Variants in ZNF740 observed in about 807,000 individuals in gnomAD.
The protein encoded by ZNF740 is zinc finger protein 740.
ZNF740 carries 14 observed loss-of-function variants against 24.8 expected under a neutral mutation model. The observed-to-expected ratio is 0.56, with a 90% CI of 0.37 to 0.88. The LOEUF (loss-of-function observed/expected upper bound fraction) is 0.88. Ranked by LOEUF, ZNF740 falls within the 40% of genes least tolerant of loss-of-function variation. The pLI is 0.00. For missense variants in ZNF740, 201 were observed against 247.9 expected (o/e 0.81, Z 1.27); for synonymous variants, 69 against 84.0 (o/e 0.82, Z 0.98).
At position 53,192,946 on chromosome 12, in the gene ZNF740, T is replaced by C. The variant is rs564873567; in HGVS notation, c.*5356T>C. ...GCCATGCAGAGGGTGACAACCATAC[T>C]CCACACACACAGTTGGCCATCATGT... On this transcript the variant is annotated 3_prime_UTR_variant, in exon 7 of 7. Transcript: ENST00000416904. The C allele has an allele frequency of 4.3e-5, 68 of 1,593,392 alleles. No homozygotes were observed. In the East Asian group the frequency reaches 1.4e-3, roughly 32 times the overall value.
intron 1 of ZNF740, 82 bp downstream of exon 1, chr12:53,180,919 C>T (rs1364629050): frequency 4.0e-6 from 2 of 502,432 alleles, no homozygotes. Context: ...GGGTGCCGCG[C>T]GGGAAGGGGG....
chr12:53,187,165 T>C lies in ZNF740; in HGVS notation c.493-336T>C, dbSNP rs1444243493. On this transcript the variant is annotated intron_variant, in intron 6 of 6. Coordinates refer to ENST00000416904, the MANE Select transcript of ZNF740 (RefSeq NM_001004304.4). ...TCTGGTTCTCTACTCTGTATCTGCC[T>C]TGAGATAGATACTCAATAAATCTTT... Among the ~76,000 whole-genome samples, 4 of 152,378 alleles carry C rather than the reference T, an allele frequency of 2.6e-5. No homozygotes were observed. In the East Asian group the frequency reaches 7.7e-4, roughly 29 times the overall value.
chr12:53,180,992 G>T, intron 1 of ZNF740, 155 bp downstream of exon 1: 2 of 819,328 alleles, frequency 2.4e-6, no homozygotes, highest in African/African-American at 1.9e-5. Flanking sequence ...GAGGGGAAAG[G>T]CCGTGCGCGC....
At position 53,193,180 on chromosome 12, in the gene ZNF740, G is replaced by A. The variant is rs79496005; in HGVS notation, c.*5590G>A. ...CCTCATGTCGCTCACAGCTGGCATC[G>A]TCACACTCGCACAGATGCCCAGAGC... On this transcript the variant is annotated 3_prime_UTR_variant, in exon 7 of 7. Coordinates refer to ENST00000416904, the MANE Select transcript of ZNF740 (RefSeq NM_001004304.4). 365 of 1,613,726 alleles carry A rather than the reference G, an allele frequency of 2.3e-4. No individual in the cohort carries two copies. The African/African-American group carries it at 3.1e-3, about 14-fold the overall frequency.
At chr12:53,187,335 C>T (rs1199552799) in intron 6 of ZNF740, among the ~76,000 whole-genome samples, 166 bp from the exon 7 acceptor site, 1 of 152,184 alleles carries the variant, frequency 6.6e-6, no homozygotes, top group African/African-American at 2.4e-5. Flanking sequence ...CAGCCCCAGG[C>T]GGTCTGGCCT....
rs1375813301 is a variant in ZNF740, at chr12:53,191,608, A to G, written c.*4018A>G. 1.9e-6 allele frequency: 3 copies of G among 1,613,862 alleles called. No homozygotes were observed. Among genetic ancestry groups the G allele is most frequent in the African/African-American group, 1.3e-5 (1 of 74,994 alleles). On this transcript the variant is annotated 3_prime_UTR_variant, in exon 7 of 7. Coordinates refer to ENST00000416904, the MANE Select transcript of ZNF740 (RefSeq NM_001004304.4). Reference sequence around the variant, plus strand: ...AAAGCGAGGATTGATGGTGGTCGTGATGGCACTTTTGTAGAGAGGATTACT... The same window carrying G: ...AAAGCGAGGATTGATGGTGGTCGTGGTGGCACTTTTGTAGAGAGGATTACT...
At chr12:53,186,728 T>A in intron 6 of ZNF740, 1 of 466,750 alleles carries the variant, frequency 2.1e-6, no homozygotes, top group Non-Finnish European at 3.9e-6. Flanking sequence ...CCATATCACT[T>A]ACTCTATGCC....
intron 2 of ZNF740, 178 bp downstream of exon 2, chr12:53,182,170 G>A: frequency 1.2e-6 from 1 of 838,760 alleles, no homozygotes; most frequent in African/African-American, 1.7e-5. Context: ...CCTTCAGGGA[G>A]CTTCCAGTCA....
At position 53,189,082 on chromosome 12, in the gene ZNF740, T is replaced by G. The variant is rs1006273552; in HGVS notation, c.*1492T>G. 2.0e-5 allele frequency: 3 copies of G among 151,698 alleles called. No individual in the cohort carries two copies. Among genetic ancestry groups the G allele is most frequent in the African/African-American group, 7.3e-5 (3 of 41,312 alleles). The allele number at this position is 151,698 out of a possible 1,614,324, so 9.4% of individuals were successfully genotyped here. On this transcript the variant is annotated 3_prime_UTR_variant, in exon 7 of 7. Coordinates refer to ENST00000416904, the MANE Select transcript of ZNF740 (RefSeq NM_001004304.4). ...TCAGCAGGAGCTGAAGAACACAATT[T>G]GGGGAACAGAAGGGCTTTTGTTTTG...
intron 1 of ZNF740, 94 bp downstream of exon 1, chr12:53,180,931 G>A: frequency 9.5e-7 from 1 of 1,057,278 alleles, no homozygotes; most frequent in Non-Finnish European, 1.2e-6. Context: ...GGAAGGGGGA[G>A]GGGAGGGGAG....
rs1941884298 is a variant in ZNF740, at chr12:53,189,321, G to T, written c.*1731G>T. 6.6e-6 allele frequency: 1 copy of T among 152,070 alleles called. No homozygotes were observed. Among genetic ancestry groups the T allele is most frequent in the Non-Finnish European group, 1.5e-5 (1 of 68,012 alleles). The allele number at this position is 152,070 out of a possible 1,614,324, so 9.4% of individuals were successfully genotyped here. A position where few individuals can be genotyped will look rare whatever the true frequency, so the allele number is the denominator to read the frequency against. On this transcript the variant is annotated 3_prime_UTR_variant, in exon 7 of 7. Coordinates refer to ENST00000416904, the MANE Select transcript of ZNF740 (RefSeq NM_001004304.4). ...TACGGGAACTGTCTTAGTAATCATG[G>T]AGACTGGCTGAACCTGAGTGCCAAG... is the stretch of plus-strand genomic sequence containing the variant.
Position 53,184,974 on chromosome 12 carries a change from T to G in ZNF740, c.93T>G (p.Ile31Met). ...GCAAGAAGATGATGCTGAGCCAGATTGCCAGCAAGCAGGCCGAGAATGGCG... is the reference window on the plus strand; with the variant it reads ...GCAAGAAGATGATGCTGAGCCAGATGGCCAGCAAGCAGGCCGAGAATGGCG... ...AASKKMMLSQ[I>M]ASKQAENGER... The change falls in exon 3 of 7, where the codon ATT becomes ATG. Residue 31 changes from isoleucine to methionine, a missense_variant. Around this residue, in one of 3 missense-constraint regions of ZNF740, gnomAD observed 117 missense variants for 122.3 expected, o/e 0.96. Transcript: ENST00000416904. 1 of 1,614,004 alleles carries G rather than the reference T, an allele frequency of 6.2e-7. No individual in the cohort carries two copies. Among genetic ancestry groups the G allele is most frequent in the Non-Finnish European group, 8.5e-7 (1 of 1,179,894 alleles).
Position 53,184,912 on chromosome 12 carries a change from G to A in ZNF740, c.31G>A (p.Gly11Ser), listed in dbSNP as rs767421627. The A allele has an allele frequency of 3.7e-6, 6 of 1,613,440 alleles. No individual in the cohort carries two copies. The African/African-American group carries it at 4.0e-5, about 11-fold the overall frequency. ...TTAGGCAAGTCTCCTGGCTTGTGAA[G>A]GCCTAGCAGGTGTGAGTTTGGTTCC... MAQASLLACE[G>S]LAGVSLVPTA... is the part of the protein sequence containing the mutation. The change falls in exon 3 of 7, where the codon GGC becomes AGC. Residue 11 changes from glycine to serine, a missense_variant. By Grantham distance (56) the Gly-to-Ser change is moderately conservative (BLOSUM62 0). Transcript: ENST00000416904.
Position 53,194,310 on chromosome 12 carries a change from G to A in ZNF740, c.*6720G>A. On this transcript the variant is annotated 3_prime_UTR_variant, in exon 7 of 7. Coordinates refer to ENST00000416904, the MANE Select transcript of ZNF740 (RefSeq NM_001004304.4). The stretch of plus-strand genomic sequence containing the variant: ...AGAAATGTGGACCCCAGGAGGGAGT[G>A]AAGAGTGTTCAAGGGTCACGGTGGA... 1 of 1,614,068 alleles carries A rather than the reference G, an allele frequency of 6.2e-7. No homozygotes were observed. Among genetic ancestry groups the A allele is most frequent in the Non-Finnish European group, 8.5e-7 (1 of 1,179,990 alleles).
At chr12:53,181,233 C>A (rs929005717) in intron 1 of ZNF740, 1 of 985,464 alleles carries the variant, frequency 1.0e-6, no homozygotes, top group Non-Finnish European at 1.2e-6. Flanking sequence ...TACCTTCGGG[C>A]GGACGGGGAG....
rs1800445750 is a variant in ZNF740 at position 53,191,329 on chromosome 12, G to A, written c.*3739G>A. On this transcript the variant is annotated 3_prime_UTR_variant, in exon 7 of 7. Transcript: ENST00000416904. ...AGCAAAGTGACAGCTGTGGTCTGAGGTAAGACTTTATTGTATACTTGGGTG... is the reference window on the plus strand; with the variant it reads ...AGCAAAGTGACAGCTGTGGTCTGAGATAAGACTTTATTGTATACTTGGGTG... 3.6e-6 allele frequency: 2 copies of A among 558,888 alleles called. No homozygotes were observed. The highest frequency in any genetic ancestry group is 2.0e-5 in the South Asian group (1 of 50,660). 34.6% of individuals were successfully genotyped at this position (558,888 alleles called of 1,614,324 possible).
rs1398498116 is a variant in ZNF740, at chr12:53,192,814, G to C, written c.*5224G>C. ...ATGCCCACTGCAGAGCCCTCCCTCG[G>C]GACTGATGCAACTGTCCATGTCCCC... On this transcript the variant is annotated 3_prime_UTR_variant, in exon 7 of 7. Transcript: ENST00000416904. The C allele has an allele frequency of 1.9e-6, 3 of 1,614,044 alleles. No individual in the cohort carries two copies. The highest frequency in any genetic ancestry group is 2.7e-5 in the African/African-American group (2 of 74,914).
Position 53,193,936 on chromosome 12 carries a change from A to G in ZNF740, c.*6346A>G. 2.6e-6 allele frequency: 4 copies of G among 1,561,932 alleles called. No homozygotes were observed. The highest frequency in any genetic ancestry group is 3.5e-6 in the Non-Finnish European group (4 of 1,143,330). ...GGCAGGAATCAGGCCATGGTTATAC[A>G]CATGCACACACACATACCCCAAACT... On this transcript the variant is annotated 3_prime_UTR_variant, in exon 7 of 7. Coordinates refer to ENST00000416904, the MANE Select transcript of ZNF740 (RefSeq NM_001004304.4).
In ZNF740 at chr12:53,191,515, C is replaced by T. The variant is rs555453600; in HGVS notation, c.*3925C>T. On this transcript the variant is annotated 3_prime_UTR_variant, in exon 7 of 7. Transcript: ENST00000416904. ...CCTCTCACCCTCCAGTTCCCACTGT[C>T]CTCCAAGGAGAAGAGCCTTGGGTAA... The T allele has an allele frequency of 8.2e-5, 121 of 1,478,478 alleles. No homozygotes were observed. The South Asian group carries it at 1.3e-3, about 16-fold the overall frequency. The allele number at this position is 1,478,478 out of a possible 1,614,324, so 91.6% of individuals were successfully genotyped here.
Sources: gnomAD v4.1 joint callset for allele counts (sites outside exome capture counted in the v4.1 genomes callset) on GRCh38, gnomAD v4.1.1 for gene constraint, gnomAD v4.1.1 regional missense constraint, MANE v1.5 for transcripts, NCBI Gene and HGNC (gene_info 2026-07-23, HGNC 2026-07-21) for gene names.